YWHAE: variants seen among roughly 807,000 people sequenced by gnomAD.
The protein encoded by YWHAE is 14-3-3 protein epsilon.
Under a neutral mutation model 30.1 loss-of-function variants are expected in YWHAE, and 4 were observed. The ratio of observed to expected loss-of-function variants is 0.13; its 90% CI spans 0.07 to 0.30. The LOEUF is 0.30. Among genes scored for constraint, YWHAE ranks in the 10% least tolerant of loss-of-function variants. YWHAE has a pLI of 1.00. For missense variants in YWHAE, 121 were observed against 315.9 expected, an observed-to-expected ratio of 0.38 and a Z score of 4.68; for synonymous variants, 118 against 111.8, an observed-to-expected ratio of 1.06 and a Z score of -0.35.
intron 5 of YWHAE, among the ~76,000 whole-genome samples, chr17:1,352,818 C>G (rs1317263162): frequency 6.6e-6 from 1 of 152,190 alleles, no homozygotes; most frequent in Non-Finnish European, 1.5e-5. Flanking sequence ...AGCCACCGCG[C>G]CCGGCACAGC....
chr17:1,397,375 A>T (rs921528473), intron 1 of YWHAE, among the ~76,000 whole-genome samples: 29 of 152,318 alleles, frequency 1.9e-4, no homozygotes, highest in Admixed American at 1.8e-3. Flanking sequence ...TCCCAGCCCC[A>T]AACTTAAATA....
chr17:1,392,254 G>A (rs908912035), intron 1 of YWHAE, among the ~76,000 whole-genome samples: 4 of 152,128 alleles, frequency 2.6e-5, no homozygotes, highest in African/African-American at 9.7e-5. Flanking sequence ...GCACAGCTGT[G>A]GGCCCAGCTA....
intron 1 of YWHAE, among the ~76,000 whole-genome samples, chr17:1,370,872 C>A (rs139748254): frequency 6.6e-6 from 1 of 151,902 alleles, no homozygotes; most frequent in Non-Finnish European, 1.5e-5. Context: ...TGGTGGCGGG[C>A]GCCTGTAGTC....
chr17:1,351,014 G>A (rs2072622817), intron 5 of YWHAE, among the ~76,000 whole-genome samples: 2 of 151,298 alleles, frequency 1.3e-5, no homozygotes, highest in African/African-American at 2.4e-5. Context: ...AGCCGAGATC[G>A]CACCATTGCA....
intron 4 of YWHAE, among the ~76,000 whole-genome samples, chr17:1,355,019 A>G (rs1206965626): frequency 9.8e-6 from 1 of 102,288 alleles, no homozygotes; most frequent in African/African-American, 3.7e-5. Flanking sequence ...TATGTTGCCC[A>G]GGCTGGACTT....
At chr17:1,359,218 G>A (rs2072813421) in intron 4 of YWHAE, among the ~76,000 whole-genome samples, 1 of 152,104 alleles carries the variant, frequency 6.6e-6, no homozygotes, top group African/African-American at 2.4e-5. Context: ...TACTTGGAAG[G>A]CTCAGGTAGG....
chr17:1,355,218 G>A (rs1238916638), intron 4 of YWHAE, among the ~76,000 whole-genome samples: 1 of 140,378 alleles, frequency 7.1e-6, no homozygotes, highest in Non-Finnish European at 1.5e-5. Flanking sequence ...GTGCAGTGGC[G>A]GGATGTAGGC....
rs913380857 is a variant in YWHAE at position 1,400,189 on chromosome 17, C to T, written c.-79G>A. 3.2e-6 allele frequency: 5 copies of T among 1,564,628 alleles called. No individual in the cohort carries two copies. The highest frequency in any genetic ancestry group is 4.4e-6 in the Non-Finnish European group (5 of 1,138,438). ...CCGACTCTCTCAGCCTCTCGCTCCG[C>T]GTCCGGGCAGCAAAAATGGCGGCGC... is the stretch of plus-strand genomic sequence containing the variant. On this transcript the variant is annotated 5_prime_UTR_variant, in exon 1 of 6. Coordinates refer to ENST00000264335, the MANE Select transcript of YWHAE (RefSeq NM_006761.5).
At chr17:1,356,166 C>T (rs2072737132) in intron 4 of YWHAE, among the ~76,000 whole-genome samples, 1 of 112,572 alleles carries the variant, frequency 8.9e-6, no homozygotes, top group Admixed American at 8.7e-5. Flanking sequence ...AAGACTCCGT[C>T]TAAAAACACA....
chr17:1,353,468 A>C (rs1403656651), intron 5 of YWHAE, among the ~76,000 whole-genome samples: 3 of 150,438 alleles, frequency 2.0e-5, no homozygotes, highest in African/African-American at 7.3e-5. Context: ...AAAGAAAAGA[A>C]AAGAATAAAA....
intron 5 of YWHAE, among the ~76,000 whole-genome samples, chr17:1,346,422 T>C (rs775071158): frequency 1.3e-5 from 2 of 152,216 alleles, no homozygotes; most frequent in African/African-American, 4.8e-5. Flanking sequence ...CCAAGAATCA[T>C]AAATGTTCAA....
intron 4 of YWHAE, among the ~76,000 whole-genome samples, chr17:1,355,850 C>A (rs2072731776): frequency 6.6e-6 from 1 of 152,030 alleles, no homozygotes; most frequent in South Asian, 2.1e-4. Flanking sequence ...ACCAGCCGGG[C>A]CACCATGGCA....
intron 1 of YWHAE, among the ~76,000 whole-genome samples, chr17:1,389,771 C>G (rs1191808322): frequency 6.6e-6 from 1 of 151,940 alleles, no homozygotes; most frequent in Admixed American, 6.6e-5. Context: ...ACCTCGTAGT[C>G]CGCCCGCCTC....
At chr17:1,373,536 C>T (rs557174370) in intron 1 of YWHAE, among the ~76,000 whole-genome samples, 8 of 151,718 alleles carry the variant, frequency 5.3e-5, no homozygotes, top group Non-Finnish European at 8.8e-5. Context: ...GGCATGGTGG[C>T]GGGCGCCTGT....
intron 1 of YWHAE, among the ~76,000 whole-genome samples, chr17:1,393,180 AAAACATAC>A (rs1299623377): frequency 6.6e-6 from 1 of 150,524 alleles, no homozygotes; most frequent in Admixed American, 6.6e-5. Flanking sequence ...ATAAAATTTA[AAAACATAC>A]AAACAAACAA....
At chr17:1,374,895 G>C (rs537937762) in intron 1 of YWHAE, among the ~76,000 whole-genome samples, 1 of 152,144 alleles carries the variant, frequency 6.6e-6, no homozygotes, top group African/African-American at 2.4e-5. Context: ...AAGTAGCATT[G>C]AGTCAGGAGA....
intron 1 of YWHAE, among the ~76,000 whole-genome samples, chr17:1,378,840 G>A (rs745979949): frequency 4.0e-5 from 6 of 151,858 alleles, no homozygotes; most frequent in East Asian, 1.9e-4. Context: ...CCAGCTACTC[G>A]GGAGGCTGAG....
At chr17:1,395,794 G>A (rs185198194) in intron 1 of YWHAE, among the ~76,000 whole-genome samples, 1 of 152,164 alleles carries the variant, frequency 6.6e-6, no homozygotes, top group African/African-American at 2.4e-5. Flanking sequence ...AGCAGAATAA[G>A]CTAGCTAGAG....
At chr17:1,362,156 A>T in intron 2 of YWHAE, 148 bp from the exon 3 acceptor site, 1 of 538,506 alleles carries the variant, frequency 1.9e-6, no homozygotes. Context: ...TTCTTGACAC[A>T]AAAGCAGAGA....
Sources: gnomAD v4.1 joint callset for allele counts (sites outside exome capture counted in the v4.1 genomes callset) on GRCh38, gnomAD v4.1.1 for gene constraint, MANE v1.5 for transcripts, NCBI Gene and HGNC (gene_info 2026-07-23, HGNC 2026-07-21) for gene names.